ADK: variants seen among roughly 807,000 people sequenced by gnomAD.
ADK encodes the protein N6,N6-dimethyladenosine kinase.
ADK carries 24 observed loss-of-function variants against 44.7 expected under a neutral mutation model. The ratio of observed to expected loss-of-function variants is 0.54; its 90% confidence interval spans 0.39 to 0.76. ADK has a LOEUF of 0.76. Among genes scored for constraint, ADK ranks in the 30% least tolerant of loss-of-function variants. The pLI, the probability that ADK is intolerant of heterozygous loss-of-function variation, is 0.00. For missense variants in ADK, 321 were observed against 425.1 expected, an observed-to-expected ratio of 0.76 and a Z score of 2.15; for synonymous variants, 128 against 142.6, an observed-to-expected ratio of 0.90 and a Z score of 0.73.
intron 4 of ADK, among the ~76,000 whole-genome samples, chr10:74,374,127 G>A (rs1435217989): frequency 6.6e-6 from 1 of 152,124 alleles, no homozygotes; most frequent in Non-Finnish European, 1.5e-5. Context: ...TGGGACTTGT[G>A]AAGATGAGGT....
At chr10:74,612,295 A>C (rs142462134) in intron 9 of ADK, among the ~76,000 whole-genome samples, 1,723 of 151,964 alleles carry the variant, frequency 0.011, 31 homozygotes, top group African/African-American at 0.039. Flanking sequence ...ATTTATTTGT[A>C]TTTTATAGAG....
chr10:74,562,013 G>A (rs1406513137), intron 7 of ADK, among the ~76,000 whole-genome samples: 5 of 152,156 alleles, frequency 3.3e-5, no homozygotes, highest in South Asian at 2.1e-4. Context: ...TCTTGAGCAC[G>A]TATACAACCT....
At chr10:74,518,668 T>A (rs1480552565) in intron 6 of ADK, among the ~76,000 whole-genome samples, 1 of 152,210 alleles carries the variant, frequency 6.6e-6, no homozygotes, top group Non-Finnish European at 1.5e-5. Context: ...GCTCTCCTGA[T>A]AAAAATTGTT....
intron 6 of ADK, among the ~76,000 whole-genome samples, chr10:74,404,849 A>G (rs1245392674): frequency 6.6e-6 from 1 of 152,004 alleles, no homozygotes; most frequent in Non-Finnish European, 1.5e-5. Context: ...AGAGAAAATT[A>G]CTCATTTTGA....
intron 3 of ADK, among the ~76,000 whole-genome samples, chr10:74,254,897 C>T (rs144964748): frequency 2.0e-3 from 300 of 152,168 alleles, no homozygotes; most frequent in African/African-American, 7.0e-3. Context: ...AGTGGATAAT[C>T]ATTGTTCAAA....
At chr10:74,617,581 T>A (rs547609346) in intron 9 of ADK, among the ~76,000 whole-genome samples, 70 of 152,260 alleles carry the variant, frequency 4.6e-4, no homozygotes, top group African/African-American at 1.7e-3. Flanking sequence ...TTGGATTTGA[T>A]GTGATGTTAT....
chr10:74,268,392 G>A (rs1044399415), intron 3 of ADK, among the ~76,000 whole-genome samples: 21 of 150,008 alleles, frequency 1.4e-4, no homozygotes, highest in Non-Finnish European at 1.5e-5. Flanking sequence ...TTACACTATT[G>A]ATTTTATTTC....
At chr10:74,293,476 A>C (rs1373171592) in intron 3 of ADK, among the ~76,000 whole-genome samples, 1 of 152,142 alleles carries the variant, frequency 6.6e-6, no homozygotes, top group Non-Finnish European at 1.5e-5. Context: ...CACTAGTACT[A>C]ATGAACTACT....
At chr10:74,370,235 A>G (rs947619320) in intron 4 of ADK, among the ~76,000 whole-genome samples, 20 of 152,338 alleles carry the variant, frequency 1.3e-4, no homozygotes, top group African/African-American at 4.6e-4. Context: ...TACACCTTAA[A>G]TATGTACAGT....
At chr10:74,672,319 C>T (rs1008867729) in intron 10 of ADK, among the ~76,000 whole-genome samples, 36 of 151,944 alleles carry the variant, frequency 2.4e-4, no homozygotes, top group African/African-American at 7.7e-4. Flanking sequence ...ACTTTTAATA[C>T]GTAAAAACCT....
chr10:74,386,440 T>C (rs1402049173), intron 4 of ADK, among the ~76,000 whole-genome samples: 6 of 152,192 alleles, frequency 3.9e-5, no homozygotes, highest in Non-Finnish European at 8.8e-5. Context: ...AAAAAGGAAA[T>C]CTTCCTTGAA....
intron 9 of ADK, among the ~76,000 whole-genome samples, chr10:74,657,370 G>A (rs954659609): frequency 2.0e-5 from 3 of 152,182 alleles, no homozygotes; most frequent in Non-Finnish European, 4.4e-5. Context: ...GTGCAAGGTT[G>A]AATTTATTCA....
chr10:74,414,816 G>A (rs1844312719), intron 6 of ADK, among the ~76,000 whole-genome samples: 1 of 151,856 alleles, frequency 6.6e-6, no homozygotes, highest in African/African-American at 2.4e-5. Flanking sequence ...TCTAATACCA[G>A]TTTTTTTTGA....
intron 6 of ADK, among the ~76,000 whole-genome samples, chr10:74,431,238 A>G (rs1844987080): frequency 6.6e-6 from 1 of 152,142 alleles, no homozygotes; most frequent in Non-Finnish European, 1.5e-5. Flanking sequence ...GAAAGGAGGC[A>G]AGAATGATTC....
At chr10:74,416,029 T>TAC (rs1844358070) in intron 6 of ADK, among the ~76,000 whole-genome samples, 1 of 86,624 alleles carries the variant, frequency 1.2e-5, no homozygotes, top group Non-Finnish European at 2.7e-5. Flanking sequence ...CACACATACA[T>TAC]ATATACACAC....
intron 3 of ADK, among the ~76,000 whole-genome samples, chr10:74,312,093 G>T (rs1840452454): frequency 6.6e-6 from 1 of 152,114 alleles, no homozygotes; most frequent in African/African-American, 2.4e-5. Context: ...TTGAACCAGG[G>T]AGTCAGAGGC....
chr10:74,628,284 G>T (rs901768906), intron 9 of ADK, among the ~76,000 whole-genome samples: 1 of 152,046 alleles, frequency 6.6e-6, no homozygotes, highest in South Asian at 2.1e-4. Flanking sequence ...TACTATTGAG[G>T]TGATCATTTC....
intron 3 of ADK, among the ~76,000 whole-genome samples, chr10:74,313,080 T>C (rs1486409699): frequency 6.6e-6 from 1 of 152,088 alleles, no homozygotes; most frequent in African/African-American, 2.4e-5. Flanking sequence ...GCCTTTTTAT[T>C]CTTCCTTATA....
At chr10:74,186,337 T>C (rs1842766889) in intron 1 of ADK, among the ~76,000 whole-genome samples, 1 of 151,428 alleles carries the variant, frequency 6.6e-6, no homozygotes, top group South Asian at 2.1e-4. Flanking sequence ...TTGAGTGCAA[T>C]GGGGCAAACA....
Sources: gnomAD v4.1 joint callset for allele counts (sites outside exome capture counted in the v4.1 genomes callset) on GRCh38, gnomAD v4.1.1 for gene constraint, MANE v1.5 for transcripts, NCBI Gene and HGNC (gene_info 2026-07-23, HGNC 2026-07-21) for gene names.